Variants in CEP170 observed in about 807,000 individuals in gnomAD.
The protein encoded by CEP170 is centrosomal protein 170, also known as centrosomal protein of 170 kDa.
A neutral mutation model predicts 151.9 loss-of-function variants in CEP170; 21 were observed. That is an observed-to-expected ratio of 0.14 (90% confidence interval 0.10 to 0.20). The LOEUF (loss-of-function observed/expected upper bound fraction) is 0.20. Ranked by LOEUF, CEP170 falls within the 10% of genes least tolerant of loss-of-function variation. CEP170 has a pLI of 1.00. For synonymous variants in CEP170, 356 were observed against 648.8 expected, an observed-to-expected ratio of 0.55 and a Z score of 6.86; for missense variants, 964 against 1,892.9, an observed-to-expected ratio of 0.51 and a Z score of 9.11.
intron 10 of CEP170, among the ~76,000 whole-genome samples, chr1:243,182,792 A>G (rs2059708037): frequency 6.6e-6 from 1 of 152,202 alleles, no homozygotes; most frequent in Non-Finnish European, 1.5e-5. Flanking sequence ...CGACTAGCTC[A>G]GCTGGCAATA....
In CEP170 at chr1:243,169,039, T is replaced by C. The variant is rs192104309; in HGVS notation, c.1843+589A>G. 5.3e-5 allele frequency among the ~76,000 whole-genome samples: 8 copies of C among 151,306 alleles called. No homozygotes were observed. In the East Asian group the frequency reaches 1.4e-3, roughly 26 times the overall value. The stretch of plus-strand genomic sequence containing the variant: ...GTGCTTCATCTTTCTATGTAATATA[T>C]ACACACACCTATATATGCTTCATCT... On this transcript the variant is annotated intron_variant, in intron 12 of 19. Transcript: ENST00000366542.
At chr1:243,245,957 GAA>G (rs957810492) in intron 1 of CEP170, among the ~76,000 whole-genome samples, 1 of 150,198 alleles carries the variant, frequency 6.7e-6, no homozygotes, top group Non-Finnish European at 1.5e-5. Flanking sequence ...AAAAAAAAAA[GAA>G]AAAAGAAAGC....
At chr1:243,209,915 A>G (rs570005733) in intron 4 of CEP170, among the ~76,000 whole-genome samples, 282 of 152,078 alleles carry the variant, frequency 1.9e-3, no homozygotes, top group African/African-American at 6.8e-3. Flanking sequence ...GGATGGTCTC[A>G]ATCTCCTGAC....
At chr1:243,164,128 TA>T (rs1410687618) in intron 13 of CEP170, among the ~76,000 whole-genome samples, 155 bp downstream of exon 13, 3 of 152,078 alleles carry the variant, frequency 2.0e-5, no homozygotes, top group Non-Finnish European at 4.4e-5. Flanking sequence ...AACTGTTTTA[TA>T]GACCCCCCAC....
At chr1:243,126,813 T>C in intron 19 of CEP170, 75 bp from the exon 20 acceptor site, 1 of 1,191,236 alleles carries the variant, frequency 8.4e-7, no homozygotes, top group Non-Finnish European at 1.2e-6. Flanking sequence ...ATTTGGATAA[T>C]ATTTAAACTA....
intron 6 of CEP170, among the ~76,000 whole-genome samples, chr1:243,199,682 C>A (rs1171142225): frequency 3.9e-5 from 6 of 152,030 alleles, no homozygotes; most frequent in Admixed American, 6.6e-5. Context: ...AATTTTTTTC[C>A]AGCCCAAGGA....
At chr1:243,232,631 T>G (rs1020863822) in intron 1 of CEP170, among the ~76,000 whole-genome samples, 1 of 152,192 alleles carries the variant, frequency 6.6e-6, no homozygotes, top group African/African-American at 2.4e-5. Context: ...TTTCAACAGC[T>G]ATTGAGAAGC....
intron 15 of CEP170, among the ~76,000 whole-genome samples, chr1:243,141,748 G>A (rs1034299591): frequency 1.3e-5 from 2 of 152,064 alleles, no homozygotes; most frequent in Non-Finnish European, 2.9e-5. Flanking sequence ...GTCTATACAT[G>A]GTAACTTGCA....
At chr1:243,217,000 T>C (rs1261263155) in intron 3 of CEP170, among the ~76,000 whole-genome samples, 2 of 152,344 alleles carry the variant, frequency 1.3e-5, no homozygotes, top group Admixed American at 6.5e-5. Flanking sequence ...ATGAACATTA[T>C]AGAGTTTACA....
Position 243,124,525 on chromosome 1 carries a change from G to A in CEP170, c.*1924C>T, listed in dbSNP as rs2053561099. The A allele has an allele frequency of 6.6e-6, 1 of 152,534 alleles. No homozygotes were observed. Among genetic ancestry groups the A allele is most frequent in the Admixed American group, 6.5e-5 (1 of 15,276 alleles). 9.4% of individuals were successfully genotyped at this position (152,534 alleles called of 1,614,324 possible). On this transcript the variant is annotated 3_prime_UTR_variant, in exon 20 of 20. Coordinates refer to ENST00000366542, the MANE Select transcript of CEP170 (RefSeq NM_014812.3). ...AACAAAAATAAATAAGGAGGATAAT[G>A]TATTCATACAAAATAAAAATAACAT...
intron 1 of CEP170, among the ~76,000 whole-genome samples, chr1:243,250,874 A>G (rs2065876095): frequency 6.6e-6 from 1 of 152,238 alleles, no homozygotes; most frequent in African/African-American, 2.4e-5. Flanking sequence ...AAGGAAAGGG[A>G]CAATTTCACT....
At chr1:243,254,227 T>A (rs2066290397) in intron 1 of CEP170, 1 of 151,004 alleles carries the variant, frequency 6.6e-6, no homozygotes. Flanking sequence ...AATAAAACTC[T>A]ACGAAACACC....
At chr1:243,221,583 G>A in intron 3 of CEP170, 141 bp downstream of exon 3, 1 of 765,258 alleles carries the variant, frequency 1.3e-6, no homozygotes, top group South Asian at 2.0e-5. Flanking sequence ...GGTCCCCAAA[G>A]TGCTATGTAC....
intron 13 of CEP170, among the ~76,000 whole-genome samples, chr1:243,162,600 T>C (rs954676627): frequency 5.0e-4 from 76 of 152,320 alleles, no homozygotes; most frequent in African/African-American, 1.8e-3. Context: ...CATCTTACAG[T>C]TGTTTCTTAG....
chr1:243,207,408 G>A (rs190581320), intron 4 of CEP170, among the ~76,000 whole-genome samples: 16 of 152,282 alleles, frequency 1.1e-4, no homozygotes, highest in Admixed American at 1.0e-3. Flanking sequence ...AGTTCTGCAA[G>A]GAGGAGGGGG....
intron 3 of CEP170, among the ~76,000 whole-genome samples, chr1:243,213,193 G>C (rs2061973481): frequency 6.6e-6 from 1 of 151,876 alleles, no homozygotes; most frequent in African/African-American, 2.4e-5. Flanking sequence ...CACATGGTTA[G>C]TGGCTACTGT....
At position 243,186,398 on chromosome 1, in the gene CEP170, T is replaced by G; in HGVS notation, c.1133A>C (p.Gln378Pro). The G allele has an allele frequency of 6.2e-7, 1 of 1,608,310 alleles. No homozygotes were observed. The highest frequency in any genetic ancestry group is 8.5e-7 in the Non-Finnish European group (1 of 1,178,112). ...LKGNKHDDGT[Q>P]SDSENAGAHR... ...AGCCCCAGCGTTCTCTGAATCACTT[T>G]GCGTACCATCATCATGTTTATTTCC... Residue 378 changes from glutamine to proline, a missense_variant, in exon 9 of 20, where the codon CAA becomes CCA. Coordinates refer to ENST00000366542, the MANE Select transcript of CEP170 (RefSeq NM_014812.3).
chr1:243,240,513 A>C (rs2064723678), intron 1 of CEP170, among the ~76,000 whole-genome samples: 1 of 152,124 alleles, frequency 6.6e-6, no homozygotes, highest in Non-Finnish European at 1.5e-5. Context: ...ACCTGGAATC[A>C]CTTGCGGAGA....
At chr1:243,217,020 C>A (rs778032041) in intron 3 of CEP170, among the ~76,000 whole-genome samples, 9 of 152,190 alleles carry the variant, frequency 5.9e-5, no homozygotes, top group Non-Finnish European at 1.3e-4. Flanking sequence ...AGTACTTACA[C>A]AAACCTAGAT....
Sources: gnomAD v4.1 joint callset for allele counts (sites outside exome capture counted in the v4.1 genomes callset) on GRCh38, gnomAD v4.1.1 for gene constraint, MANE v1.5 for transcripts, NCBI Gene and HGNC (gene_info 2026-07-23, HGNC 2026-07-21) for gene names.